GRIN3A: variants seen among roughly 807,000 people sequenced by gnomAD.
GRIN3A encodes glutamate ionotropic receptor NMDA type subunit 3A.
Under a neutral mutation model 92.4 loss-of-function variants are expected in GRIN3A, and 47 were observed. The observed-to-expected ratio is 0.51, with a 90% CI of 0.40 to 0.65. The LOEUF is 0.65. Ranked by LOEUF, GRIN3A falls within the 30% of genes least tolerant of loss-of-function variation. The probability of loss-of-function intolerance (pLI) is 0.00; values close to 1 mark genes in which losing one functional copy is unlikely to be tolerated. For synonymous variants in GRIN3A, 527 were observed against 540.6 expected (o/e 0.97, Z 0.35); for missense variants, 1,324 against 1,393.1 (o/e 0.95, Z 0.79).
At chr9:101,585,504 A>G (rs146196972) in intron 6 of GRIN3A, among the ~76,000 whole-genome samples, 2,215 of 152,162 alleles carry the variant, frequency 0.015, 25 homozygotes, top group South Asian at 0.035. Flanking sequence ...GCAAACTCCT[A>G]ATTTTCCCTC....
chr9:101,614,350 A>G (rs1203403395), intron 5 of GRIN3A, among the ~76,000 whole-genome samples: 1 of 152,168 alleles, frequency 6.6e-6, no homozygotes, highest in Admixed American at 6.5e-5. Context: ...AAAAATTGGA[A>G]ACAACCCAAA....
chr9:101,725,002 A>G (rs769241727), intron 1 of GRIN3A, among the ~76,000 whole-genome samples: 7 of 152,204 alleles, frequency 4.6e-5, no homozygotes, highest in Non-Finnish European at 8.8e-5. Context: ...GCATGTCAGT[A>G]GGAGATGGAA....
At chr9:101,635,320 G>A (rs1828770889) in intron 3 of GRIN3A, among the ~76,000 whole-genome samples, 1 of 152,124 alleles carries the variant, frequency 6.6e-6, no homozygotes, top group South Asian at 2.1e-4. Context: ...AGTTTTATGG[G>A]AACACAGCCA....
At chr9:101,727,402 C>T (rs540334364) in intron 1 of GRIN3A, among the ~76,000 whole-genome samples, 8 of 152,048 alleles carry the variant, frequency 5.3e-5, no homozygotes, top group African/African-American at 1.9e-4. Context: ...TAGAATTATC[C>T]ACAAAGAGCA....
At chr9:101,584,732 C>A (rs1385452506) in intron 6 of GRIN3A, among the ~76,000 whole-genome samples, 1 of 152,202 alleles carries the variant, frequency 6.6e-6, no homozygotes, top group Non-Finnish European at 1.5e-5. Context: ...TTTGTACTAT[C>A]ACAGGTGTGG....
chr9:101,613,519 T>C lies in GRIN3A; in HGVS notation c.2623A>G (p.Ile875Val), dbSNP rs79404655. The change falls in exon 6 of 9, where the codon ATT becomes GTT. Residue 875 changes from isoleucine (I) to valine (V), a missense_variant. By Grantham distance (29) the Ile-to-Val change is conservative. Transcript: ENST00000361820. ...GKPFAIEGYGIGLPPNSPLTA... is the reference protein window; with the variant it reads ...GKPFAIEGYGVGLPPNSPLTA... ...AATGGAGAGTTGGGTGGGAGGCCAA[T>C]GCCGTATCCTAGAAGAAAATACAAT... 2 of 1,614,206 alleles carry C rather than the reference T, an allele frequency of 1.2e-6. No homozygotes were observed. The highest frequency in any genetic ancestry group is 8.5e-7 in the Non-Finnish European group (1 of 1,180,018).
intron 1 of GRIN3A, among the ~76,000 whole-genome samples, chr9:101,726,452 CT>C (rs1319589535): frequency 1.3e-5 from 2 of 152,154 alleles, no homozygotes; most frequent in African/African-American, 4.8e-5. Flanking sequence ...TACAGCTCAG[CT>C]ATACTTCATG....
At chr9:101,676,983 C>T (rs1829406164) in intron 2 of GRIN3A, among the ~76,000 whole-genome samples, 1 of 150,592 alleles carries the variant, frequency 6.6e-6, no homozygotes, top group Admixed American at 6.6e-5. Flanking sequence ...CTCCAGAGTT[C>T]TACACTTTTG....
intron 6 of GRIN3A, among the ~76,000 whole-genome samples, chr9:101,579,659 C>T (rs1408280223): frequency 6.6e-6 from 1 of 152,144 alleles, no homozygotes; most frequent in African/African-American, 2.4e-5. Context: ...CCCGAAGAAA[C>T]CTTAAAAACT....
chr9:101,704,585 T>C (rs2061055215), intron 1 of GRIN3A, among the ~76,000 whole-genome samples: 1 of 152,214 alleles, frequency 6.6e-6, no homozygotes, highest in African/African-American at 2.4e-5. Context: ...GGTGTAATAC[T>C]CTCCACTCTT....
chr9:101,681,619 C>T (rs1241108005), intron 2 of GRIN3A, among the ~76,000 whole-genome samples: 1 of 152,192 alleles, frequency 6.6e-6, no homozygotes, highest in Non-Finnish European at 1.5e-5. Flanking sequence ...GATCCAAGTC[C>T]AGTGTTTTTC....
At chr9:101,715,721 C>T (rs1455969540) in intron 1 of GRIN3A, among the ~76,000 whole-genome samples, 1 of 152,102 alleles carries the variant, frequency 6.6e-6, no homozygotes, top group Non-Finnish European at 1.5e-5. Flanking sequence ...ATGACAATTT[C>T]AGGAGTTCAT....
intron 6 of GRIN3A, chr9:101,594,162 G>C: frequency 2.3e-6 from 1 of 430,354 alleles, no homozygotes; most frequent in Non-Finnish European, 4.1e-6. Flanking sequence ...GTTTATAAAA[G>C]CCATTTCCTT....
intron 2 of GRIN3A, among the ~76,000 whole-genome samples, chr9:101,676,247 C>A (rs1415135413): frequency 9.2e-5 from 14 of 151,856 alleles, no homozygotes; most frequent in Admixed American, 9.2e-4. Context: ...TTTCACTCAT[C>A]AATTTGTCTC....
At chr9:101,662,358 T>C (rs1829181870) in intron 3 of GRIN3A, among the ~76,000 whole-genome samples, 1 of 151,908 alleles carries the variant, frequency 6.6e-6, no homozygotes, top group Non-Finnish European at 1.5e-5. Flanking sequence ...CTATTGTTAC[T>C]ATTATTTTGT....
At chr9:101,706,554 G>T (rs1185446018) in intron 1 of GRIN3A, among the ~76,000 whole-genome samples, 1 of 152,150 alleles carries the variant, frequency 6.6e-6, no homozygotes, top group Non-Finnish European at 1.5e-5. Context: ...ATGCAATCAG[G>T]GTGCTGGAAA....
In GRIN3A at chr9:101,737,300, T is replaced by C. The variant is rs1476611138; in HGVS notation, c.680A>G (p.Glu227Gly). The C allele has an allele frequency of 6.2e-7, 1 of 1,614,004 alleles. No individual in the cohort carries two copies. The highest frequency in any genetic ancestry group is 1.1e-5 in the South Asian group (1 of 91,076). Residue 227 changes from glutamate (E) to glycine (G), a missense_variant, in exon 1 of 9, where the codon GAG becomes GGG. By Grantham distance (98) the Glu-to-Gly change is moderately conservative. Transcript: ENST00000361820. Reference protein sequence around the residue: ...HIPVISIVRHEFPRESQNPLH... With the variant: ...HIPVISIVRHGFPRESQNPLH... ...TCTCACCTGACTCTCCCGTGGAAAC[T>C]CGTGGCGCACGATGCTGATCACTGG...
chr9:101,597,954 T>C (rs779326219), intron 6 of GRIN3A, among the ~76,000 whole-genome samples: 10 of 152,212 alleles, frequency 6.6e-5, no homozygotes, highest in Non-Finnish European at 1.5e-4. Flanking sequence ...TCTTATGTTA[T>C]AGGCTCATGA....
intron 1 of GRIN3A, among the ~76,000 whole-genome samples, chr9:101,688,356 G>A (rs545699467): frequency 2.7e-4 from 41 of 152,290 alleles, no homozygotes; most frequent in African/African-American, 8.9e-4. Context: ...GTTTACAGGA[G>A]GAAAACTATG....
Sources: allele counts gnomAD v4.1 joint callset (sites outside exome capture counted in the v4.1 genomes callset), GRCh38; gene constraint gnomAD v4.1.1; transcripts MANE v1.5; gene names NCBI Gene and HGNC (gene_info 2026-07-23, HGNC 2026-07-21).